CPXM2: variants seen among roughly 807,000 people sequenced by gnomAD.
CPXM2 encodes the protein inactive carboxypeptidase-like protein X2.
Under a neutral mutation model 86.1 loss-of-function variants are expected in CPXM2, and 66 were observed. That is an observed-to-expected ratio of 0.77 (90% CI 0.63 to 0.94). The LOEUF is 0.94. Among genes scored for constraint, CPXM2 ranks in the 40% least tolerant of loss-of-function variants. CPXM2 has a pLI of 0.00. For missense variants in CPXM2, 948 were observed against 1,026.3 expected, an observed-to-expected ratio of 0.92 and a Z score of 1.04; for synonymous variants, 388 against 400.2, an observed-to-expected ratio of 0.97 and a Z score of 0.36.
chr10:123,806,939 C>T (rs1459385517), intron 4 of CPXM2, among the ~76,000 whole-genome samples: 2 of 152,134 alleles, frequency 1.3e-5, no homozygotes, highest in Non-Finnish European at 2.9e-5. Flanking sequence ...ATATCAAAGA[C>T]CAAACTGAAA....
At position 123,795,018 on chromosome 10, in the gene CPXM2, C is replaced by T. The variant is rs554540989; in HGVS notation, c.889+2958G>A. ...CTCCTGACCTCAAGTGATCCACCTG[C>T]TTCAGCCTTGCAAAGTGCTGGGATT... is the stretch of plus-strand genomic sequence containing the variant. On this transcript the variant is annotated intron_variant, in intron 6 of 13. Transcript: ENST00000241305. Among the ~76,000 whole-genome samples the T allele has an allele frequency of 1.6e-4, 25 of 152,318 alleles. 1 individual carries two copies. Among genetic ancestry groups the T allele is most frequent in the African/African-American group, 5.3e-4 (22 of 41,576 alleles).
At chr10:123,796,931 C>T (rs995642541) in intron 6 of CPXM2, among the ~76,000 whole-genome samples, 1 of 152,190 alleles carries the variant, frequency 6.6e-6, no homozygotes, top group Non-Finnish European at 1.5e-5. Flanking sequence ...AGTGATGAGG[C>T]CCTGTAGGGG....
intron 4 of CPXM2, among the ~76,000 whole-genome samples, chr10:123,837,826 C>T (rs770138776): frequency 9.2e-5 from 14 of 152,244 alleles, no homozygotes; most frequent in African/African-American, 3.1e-4. Flanking sequence ...AATAAAACTG[C>T]GGTTGTAGAA....
At position 123,905,075 on chromosome 10, in the gene CPXM2, C is replaced by T. The variant is rs767611315; in HGVS notation, n.175-24766G>A. ...GCAGGACTTTCCACCTGTTACCAGG[C>T]GCTTGCATTCCAAGTGGAGCTTCCC... On this transcript the variant is annotated intron_variant and non_coding_transcript_variant, in intron 2 of 19. Coordinates refer to the CPXM2 transcript ENST00000368854. Among the ~76,000 whole-genome samples, 41 of 152,080 alleles carry T rather than the reference C, an allele frequency of 2.7e-4. 2 individuals carry two copies. Among genetic ancestry groups the T allele is most frequent in the Non-Finnish European group, 1.5e-4 (10 of 68,038 alleles).
At chr10:123,806,856 C>G (rs57377169) in intron 4 of CPXM2, among the ~76,000 whole-genome samples, 4,308 of 152,100 alleles carry the variant, frequency 0.028, 192 homozygotes, top group African/African-American at 0.098. Flanking sequence ...CGGTCACCTC[C>G]CACCACGTCC....
intron 6 of CPXM2, among the ~76,000 whole-genome samples, chr10:123,796,986 T>C (rs994042789): frequency 1.3e-5 from 2 of 152,172 alleles, no homozygotes; most frequent in Admixed American, 1.3e-4. Context: ...GTGGTCAGGA[T>C]GAAGAGGCTG....
chr10:123,934,256 G>T (rs1182238998), intron 2 of CPXM2, among the ~76,000 whole-genome samples: 9 of 152,254 alleles, frequency 5.9e-5, no homozygotes, highest in African/African-American at 1.7e-4. Flanking sequence ...TAACAGAAAG[G>T]TCTTCTCTCA....
At chr10:123,928,658 C>T (rs9330517) in intron 2 of CPXM2, among the ~76,000 whole-genome samples, 44,760 of 152,176 alleles carry the variant, frequency 0.29, 7,048 homozygotes, top group African/African-American at 0.38. Context: ...AGCAGCCACA[C>T]GGAGATGCTA....
chr10:123,798,744 C>T (rs892216891), intron 5 of CPXM2, among the ~76,000 whole-genome samples: 9 of 152,184 alleles, frequency 5.9e-5, no homozygotes, highest in Admixed American at 3.9e-4. Context: ...TAAGCTGGAG[C>T]TAATCATGGA....
chr10:123,755,792 T>C (rs958865139), intron 12 of CPXM2, among the ~76,000 whole-genome samples: 1 of 152,194 alleles, frequency 6.6e-6, no homozygotes, highest in Non-Finnish European at 1.5e-5. Flanking sequence ...ACTTTACGCA[T>C]ATTTCGAGGA....
chr10:123,867,686 C>G (rs981093533), intron 2 of CPXM2, among the ~76,000 whole-genome samples: 8 of 152,116 alleles, frequency 5.3e-5, no homozygotes, highest in African/African-American at 1.9e-4. Flanking sequence ...GCGCCTGCAA[C>G]CATGCCCGGC....
chr10:123,857,727 G>C (rs529294060), intron 3 of CPXM2, among the ~76,000 whole-genome samples: 2 of 152,306 alleles, frequency 1.3e-5, no homozygotes, highest in South Asian at 4.1e-4. Context: ...AGAAGAACCT[G>C]AGCAATGCAC....
In CPXM2 at chr10:123,891,701, G is replaced by C; in HGVS notation, c.-42C>G. The C allele has an allele frequency of 7.7e-7, 1 of 1,306,268 alleles. No individual in the cohort carries two copies. The highest frequency in any genetic ancestry group is 9.8e-7 in the Non-Finnish European group (1 of 1,025,524). 80.9% of individuals were successfully genotyped at this position (1,306,268 alleles called of 1,614,324 possible). On this transcript the variant is annotated 5_prime_UTR_variant, in exon 1 of 14. Transcript: ENST00000241305. This position sits in a 1 kb window ranked among gnomAD's most constrained non-coding sequence, Gnocchi z 5.6. ...GCCCAGGGCAGGGTCACGGTCACCG[G>C]GGGCGCCGGGCGGGCTGCGGGCGCA...
chr10:123,854,385 A>ATT (rs1491122567), intron 3 of CPXM2, among the ~76,000 whole-genome samples: 2 of 86,482 alleles, frequency 2.3e-5, no homozygotes, highest in South Asian at 3.1e-4. Context: ...ATATATATAT[A>ATT]ATATATATAT....
intron 4 of CPXM2, among the ~76,000 whole-genome samples, chr10:123,811,211 T>C (rs1357015443): frequency 2.0e-5 from 3 of 151,996 alleles, no homozygotes; most frequent in South Asian, 2.1e-4. Flanking sequence ...AGGTTTGTTA[T>C]ATATGTATAC....
intron 1 of CPXM2, among the ~76,000 whole-genome samples, chr10:123,889,461 G>T (rs550573955): frequency 6.6e-5 from 10 of 151,772 alleles, no homozygotes; most frequent in Non-Finnish European, 1.5e-4. Flanking sequence ...GTTCCATGTG[G>T]TGGGGGGCGG....
At chr10:123,793,942 T>G (rs1189099996) in intron 6 of CPXM2, among the ~76,000 whole-genome samples, 1 of 152,312 alleles carries the variant, frequency 6.6e-6, no homozygotes, top group African/African-American at 2.4e-5. Context: ...ATCTCCATGA[T>G]GGGTGGGGTG....
chr10:123,747,988 G>A (rs931252479), intron 13 of CPXM2, among the ~76,000 whole-genome samples: 1 of 150,830 alleles, frequency 6.6e-6, no homozygotes, highest in Non-Finnish European at 1.5e-5. Context: ...CCTACAACCT[G>A]GTGAGAACAT....
intron 2 of CPXM2, among the ~76,000 whole-genome samples, chr10:123,933,647 G>A (rs903862487): frequency 6.6e-6 from 1 of 152,056 alleles, no homozygotes; most frequent in African/African-American, 2.4e-5. Flanking sequence ...GAACCCGGGA[G>A]GCAGAGGTTG....
Sources: gnomAD v4.1 joint callset for allele counts (sites outside exome capture counted in the v4.1 genomes callset) on GRCh38, gnomAD v4.1.1 for gene constraint, Gnocchi (gnomAD v3.1) non-coding constraint, MANE v1.5 for transcripts, NCBI Gene and HGNC (gene_info 2026-07-23, HGNC 2026-07-21) for gene names.